SLC24A2: variants seen among roughly 807,000 people sequenced by gnomAD.
SLC24A2 encodes the protein sodium/potassium/calcium exchanger 2.
A neutral mutation model predicts 62.0 loss-of-function variants in SLC24A2; 36 were observed. The observed-to-expected ratio is 0.58, with a 90% confidence interval of 0.44 to 0.77. SLC24A2 has a LOEUF of 0.77. Among genes scored for constraint, SLC24A2 ranks in the 30% least tolerant of loss-of-function variants. The probability of loss-of-function intolerance (pLI) is 0.00; values close to 1 mark genes in which losing one functional copy is unlikely to be tolerated. For missense variants in SLC24A2, 846 were observed against 817.9 expected (o/e 1.03, Z -0.42); for synonymous variants, 358 against 294.0 (o/e 1.22, Z -2.23).
the SLC24A2 span, among the ~76,000 whole-genome samples, chr9:20,071,060 C>T: frequency 6.6e-6 from 1 of 152,196 alleles, no homozygotes; most frequent in African/African-American, 2.4e-5. Context: ...CATTCTCTCT[C>T]TTCTTCCTCT....
At chr9:19,896,949 T>C in the SLC24A2 span, among the ~76,000 whole-genome samples, 1 of 152,206 alleles carries the variant, frequency 6.6e-6, no homozygotes, top group African/African-American at 2.4e-5. Flanking sequence ...AAAAATCTAA[T>C]TACCATCCAC....
At chr9:19,805,446 C>T in the SLC24A2 span, among the ~76,000 whole-genome samples, 1 of 152,144 alleles carries the variant, frequency 6.6e-6, no homozygotes, top group Non-Finnish European at 1.5e-5. Flanking sequence ...AGCAACATTA[C>T]TTCACCTTAT....
At chr9:20,291,957 C>G in the SLC24A2 span, among the ~76,000 whole-genome samples, 1 of 152,078 alleles carries the variant, frequency 6.6e-6, no homozygotes, top group Non-Finnish European at 1.5e-5. Context: ...GAAGGAAAAG[C>G]AGGGCCATTT....
the SLC24A2 span, among the ~76,000 whole-genome samples, chr9:19,853,303 T>C: frequency 6.6e-6 from 1 of 152,216 alleles, no homozygotes; most frequent in Admixed American, 6.5e-5. Context: ...CTTTATTTTT[T>C]TCTCTTGCCT....
the SLC24A2 span, among the ~76,000 whole-genome samples, chr9:20,258,707 G>A: frequency 7.9e-5 from 12 of 152,046 alleles, no homozygotes; most frequent in East Asian, 1.7e-3. Flanking sequence ...GGTCTGTCAC[G>A]GGTGTTCTCA....
chr9:19,787,875 C>T (rs1287568028), intron 1 of SLC24A2, among the ~76,000 whole-genome samples: 1 of 152,174 alleles, frequency 6.6e-6, no homozygotes, highest in African/African-American at 2.4e-5. Flanking sequence ...AGCAATACCT[C>T]TGTCCACAAA....
At chr9:19,917,491 C>A in the SLC24A2 span, among the ~76,000 whole-genome samples, 1 of 151,618 alleles carries the variant, frequency 6.6e-6, no homozygotes, top group African/African-American at 2.4e-5. Flanking sequence ...GACATCTTTA[C>A]AGTATTCATT....
intron 2 of SLC24A2, among the ~76,000 whole-genome samples, chr9:19,723,093 A>G (rs1441296767): frequency 3.3e-5 from 5 of 152,182 alleles, no homozygotes; most frequent in Non-Finnish European, 2.9e-5. Context: ...ATTATCATCA[A>G]CATTTAAAGA....
intron 4 of SLC24A2, among the ~76,000 whole-genome samples, chr9:19,600,900 A>G (rs935695262): frequency 2.0e-5 from 3 of 152,226 alleles, no homozygotes; most frequent in Non-Finnish European, 4.4e-5. Flanking sequence ...AAGAAAAACA[A>G]TAAGCAACCT....
chr9:19,653,152 G>T (rs1818848152), intron 2 of SLC24A2, among the ~76,000 whole-genome samples: 1 of 152,156 alleles, frequency 6.6e-6, no homozygotes, highest in Non-Finnish European at 1.5e-5. Flanking sequence ...TTCCCTTGAG[G>T]ACAGAGGCCT....
chr9:19,675,042 A>T (rs1287758420), intron 2 of SLC24A2, among the ~76,000 whole-genome samples: 4 of 152,172 alleles, frequency 2.6e-5, no homozygotes, highest in Admixed American at 2.6e-4. Flanking sequence ...TTTGTCCCAC[A>T]GGGTGCTCCC....
chr9:20,099,596 A>C, the SLC24A2 span, among the ~76,000 whole-genome samples: 2 of 152,124 alleles, frequency 1.3e-5, no homozygotes, highest in Non-Finnish European at 2.9e-5. Context: ...TGCTTGTATT[A>C]AAGGCCAGGC....
chr9:19,794,417 CAAAG>C, the SLC24A2 span, among the ~76,000 whole-genome samples: 4 of 151,558 alleles, frequency 2.6e-5, no homozygotes, highest in Non-Finnish European at 5.9e-5. Flanking sequence ...CACATGGACA[CAAAG>C]AAGGGAACAA....
chr9:19,987,105 G>A, the SLC24A2 span, among the ~76,000 whole-genome samples: 3 of 152,090 alleles, frequency 2.0e-5, no homozygotes, highest in Non-Finnish European at 4.4e-5. Flanking sequence ...GAAACTCCTC[G>A]TGTGGAAGAG....
chr9:19,836,749 A>G, the SLC24A2 span, among the ~76,000 whole-genome samples: 6 of 152,344 alleles, frequency 3.9e-5, no homozygotes, highest in East Asian at 1.2e-3. Context: ...TCATCCTGAT[A>G]CCAAAGCCTG....
the SLC24A2 span, among the ~76,000 whole-genome samples, chr9:19,868,080 T>C: frequency 1.1e-4 from 17 of 152,132 alleles, no homozygotes; most frequent in East Asian, 3.3e-3. Context: ...AAACTTAAGT[T>C]GTTGATTTGA....
At chr9:20,019,242 A>G in the SLC24A2 span, among the ~76,000 whole-genome samples, 4 of 147,904 alleles carry the variant, frequency 2.7e-5, no homozygotes, top group African/African-American at 1.0e-4. Flanking sequence ...AAAGAAAAAG[A>G]AAGAAGGAAA....
At chr9:19,556,795 T>TC (rs1835111495) in intron 7 of SLC24A2, among the ~76,000 whole-genome samples, 3 of 152,222 alleles carry the variant, frequency 2.0e-5, no homozygotes, top group African/African-American at 7.2e-5. Flanking sequence ...TCTCACTGCC[T>TC]TCTAGGCCCC....
the SLC24A2 span, among the ~76,000 whole-genome samples, chr9:20,190,000 G>A: frequency 6.6e-6 from 1 of 152,142 alleles, no homozygotes; most frequent in Non-Finnish European, 1.5e-5. Flanking sequence ...AAGCATCCAG[G>A]AGGAATGACA....
Sources: gnomAD v4.1 joint callset for allele counts (sites outside exome capture counted in the v4.1 genomes callset) on GRCh38, gnomAD v4.1.1 for gene constraint, MANE v1.5 for transcripts, NCBI Gene and HGNC (gene_info 2026-07-23, HGNC 2026-07-21) for gene names.